Variants in TLL1 observed in about 807,000 individuals in gnomAD.
TLL1 encodes the protein tolloid-like protein 1.
In TLL1, 49 loss-of-function variants were observed where a neutral mutation model predicts 128.2. That is an observed-to-expected ratio of 0.38 (90% confidence interval 0.30 to 0.48). The LOEUF is 0.48. Among genes scored for constraint, TLL1 ranks in the 20% least tolerant of loss-of-function variants. The probability of loss-of-function intolerance (pLI) is 0.96; values close to 1 mark genes in which losing one functional copy is unlikely to be tolerated. For missense variants in TLL1, 1,123 were observed against 1,242.0 expected (o/e 0.90, Z 1.44); for synonymous variants, 454 against 418.8 (o/e 1.08, Z -1.03).
intron 1 of TLL1, among the ~76,000 whole-genome samples, chr4:165,943,153 G>A (rs2110926167): frequency 6.6e-6 from 1 of 152,118 alleles, no homozygotes; most frequent in Admixed American, 6.6e-5. Context: ...AAGATTGCTA[G>A]CTCATTCAAA....
chr4:165,961,355 T>C (rs1233173231), intron 1 of TLL1, among the ~76,000 whole-genome samples: 1 of 152,112 alleles, frequency 6.6e-6, no homozygotes, highest in African/African-American at 2.4e-5. Context: ...TCTGTGCTCA[T>C]GATTGGAAGA....
At chr4:165,894,878 T>C (rs562262492) in intron 1 of TLL1, among the ~76,000 whole-genome samples, 1 of 147,352 alleles carries the variant, frequency 6.8e-6, no homozygotes, top group East Asian at 2.0e-4. Context: ...TGTGTGTGTG[T>C]TATGTGTGTG....
At chr4:165,911,004 T>C (rs1035142144) in intron 1 of TLL1, among the ~76,000 whole-genome samples, 1 of 152,200 alleles carries the variant, frequency 6.6e-6, no homozygotes, top group Admixed American at 6.5e-5. Flanking sequence ...AGGATATCCA[T>C]CACTTTGAGC....
At chr4:165,893,948 TTCAA>T (rs1323492006) in intron 1 of TLL1, among the ~76,000 whole-genome samples, 2 of 152,158 alleles carry the variant, frequency 1.3e-5, no homozygotes, top group Non-Finnish European at 2.9e-5. Flanking sequence ...CAAATTGAAA[TTCAA>T]TCATTGTTGT....
At chr4:165,989,610 A>G (rs1258424022) in intron 2 of TLL1, 119 bp downstream of exon 2, 3 of 701,288 alleles carry the variant, frequency 4.3e-6, no homozygotes, top group Admixed American at 2.4e-5. Context: ...CTTCCTATAC[A>G]CAAATATACA....
rs9996893 is a variant in TLL1 at position 166,013,087 on chromosome 4, T to C, written c.918-1349T>C. 8.3e-3 allele frequency among the ~76,000 whole-genome samples: 1,268 copies of C among 151,892 alleles called. 18 individuals are homozygous for C. The highest frequency in any genetic ancestry group is 0.029 in the African/African-American group (1,202 of 41,526). ...TCTTGTTCTTTCTGTCTGGAAACAC[T>C]GTACTGCCCGTTACCCATATTTCTC... is the stretch of plus-strand genomic sequence containing the variant. On this transcript the variant is annotated intron_variant, in intron 7 of 20. Transcript: ENST00000061240.
intron 5 of TLL1, among the ~76,000 whole-genome samples, chr4:165,997,222 A>C (rs1192481278): frequency 6.6e-6 from 1 of 152,182 alleles, no homozygotes; most frequent in Non-Finnish European, 1.5e-5. Flanking sequence ...AGAGCTTGGT[A>C]GTTGGTGTGC....
At chr4:166,074,399 G>A (rs1740927176) in intron 16 of TLL1, among the ~76,000 whole-genome samples, 1 of 151,614 alleles carries the variant, frequency 6.6e-6, no homozygotes, top group Admixed American at 6.6e-5. Flanking sequence ...ATTTTTTTAA[G>A]TGATTACATA....
intron 14 of TLL1, among the ~76,000 whole-genome samples, chr4:166,057,837 A>T (rs2111114541): frequency 6.6e-6 from 1 of 152,254 alleles, no homozygotes; most frequent in East Asian, 1.9e-4. Flanking sequence ...GACTCCCCCC[A>T]ACCATGATTC....
At position 166,066,135 on chromosome 4, in the gene TLL1, C is replaced by G. The variant is rs113215428; in HGVS notation, c.2188+272C>G. 4.7e-3 allele frequency among the ~76,000 whole-genome samples: 715 copies of G among 151,564 alleles called. 15 individuals carry two copies. The East Asian group carries it at 0.059, about 12-fold the overall frequency. On this transcript the variant is annotated intron_variant, in intron 16 of 20. Coordinates refer to ENST00000061240, the MANE Select transcript of TLL1 (RefSeq NM_012464.5). ...TTCGGAAAATGTAGTCTCATTTTAG[C>G]AACAGTTTTTTATCTTTTTATTTAG...
intron 1 of TLL1, among the ~76,000 whole-genome samples, chr4:165,963,457 G>T (rs931154970): frequency 2.5e-4 from 38 of 151,940 alleles, no homozygotes; most frequent in African/African-American, 9.0e-4. Flanking sequence ...GGCATTTTCA[G>T]TACTTTATGC....
chr4:166,040,553 T>C (rs1739194497), intron 10 of TLL1, among the ~76,000 whole-genome samples: 2 of 152,216 alleles, frequency 1.3e-5, no homozygotes, highest in South Asian at 2.1e-4. Flanking sequence ...AGTGTAATCA[T>C]GGTTTTTGTG....
chr4:165,988,623 A>T (rs1736493984), intron 1 of TLL1, among the ~76,000 whole-genome samples: 1 of 151,778 alleles, frequency 6.6e-6, no homozygotes, highest in Admixed American at 6.6e-5. Flanking sequence ...TAACAGAGAG[A>T]CCCTAACTCA....
In TLL1 at chr4:165,942,613, A is replaced by G. The variant is rs141139965; in HGVS notation, c.170-46768A>G. ...TTGTATGTGTGTGTATATATTTTAC[A>G]TAATTATATATATACTATATATATT... is the stretch of plus-strand genomic sequence containing the variant. On this transcript the variant is annotated intron_variant, in intron 1 of 20. Coordinates refer to ENST00000061240, the MANE Select transcript of TLL1 (RefSeq NM_012464.5). 1.6e-3 allele frequency among the ~76,000 whole-genome samples: 243 copies of G among 149,112 alleles called. 1 individual carries two copies. Among genetic ancestry groups the G allele is most frequent in the Admixed American group, 4.9e-3 (72 of 14,842 alleles).
At chr4:165,876,798 A>G (rs986897744) in intron 1 of TLL1, among the ~76,000 whole-genome samples, 2 of 152,184 alleles carry the variant, frequency 1.3e-5, no homozygotes, top group Non-Finnish European at 1.5e-5. Context: ...TTTCATTGAG[A>G]TGATAACAAT....
intron 9 of TLL1, among the ~76,000 whole-genome samples, chr4:166,029,190 A>G (rs1738640226): frequency 6.6e-6 from 1 of 151,144 alleles, no homozygotes. Flanking sequence ...TTTTCTCTCT[A>G]CTGGTTTGAA....
chr4:165,996,641 G>A (rs1286456582), intron 5 of TLL1, among the ~76,000 whole-genome samples: 1 of 151,798 alleles, frequency 6.6e-6, no homozygotes, highest in Non-Finnish European at 1.5e-5. Flanking sequence ...CATTATGTAA[G>A]TACATTGTGC....
intron 15 of TLL1, among the ~76,000 whole-genome samples, chr4:166,061,782 A>C (rs1270267947): frequency 6.6e-6 from 1 of 152,068 alleles, no homozygotes; most frequent in Non-Finnish European, 1.5e-5. Context: ...TTATTCATGA[A>C]GTCCTTGTTC....
chr4:166,059,960 A>T, intron 14 of TLL1, 68 bp from the exon 15 acceptor site: 1 of 1,582,626 alleles, frequency 6.3e-7, no homozygotes, highest in Non-Finnish European at 8.6e-7. Flanking sequence ...GTATTAATTA[A>T]TGGACAGGTG....
Sources: allele counts gnomAD v4.1 joint callset (sites outside exome capture counted in the v4.1 genomes callset), GRCh38; gene constraint gnomAD v4.1.1; transcripts MANE v1.5; gene names NCBI Gene and HGNC (gene_info 2026-07-23, HGNC 2026-07-21).